Variants in KCND2 observed in about 807,000 individuals in gnomAD.
The protein encoded by KCND2 is A-type voltage-gated potassium channel KCND2.
KCND2 carries 16 observed loss-of-function variants against 54.4 expected under a neutral mutation model. That is an observed-to-expected ratio of 0.29 (90% CI 0.20 to 0.45). The LOEUF is 0.45. Ranked by LOEUF, KCND2 falls within the 20% of genes least tolerant of loss-of-function variation. The probability of loss-of-function intolerance (pLI) is 1.00; values close to 1 mark genes in which losing one functional copy is unlikely to be tolerated. For synonymous variants in KCND2, 317 were observed against 310.7 expected, an observed-to-expected ratio of 1.02 and a Z score of -0.21; for missense variants, 486 against 824.2, an observed-to-expected ratio of 0.59 and a Z score of 5.02.
intron 5 of KCND2, chr7:120,746,930 A>G (rs565161380): frequency 1.6e-4 from 24 of 152,286 alleles, no homozygotes; most frequent in Non-Finnish European, 3.2e-4. Flanking sequence ...ATTAGGAGCC[A>G]TAAGACTTCT....
chr7:120,572,878 A>T (rs1792383452), intron 1 of KCND2, among the ~76,000 whole-genome samples: 1 of 152,206 alleles, frequency 6.6e-6, no homozygotes, highest in Admixed American at 6.5e-5. Context: ...AATGGAATCT[A>T]AGGAGGGAGA....
chr7:120,655,695 T>C (rs1002971950), intron 1 of KCND2, among the ~76,000 whole-genome samples: 1 of 152,112 alleles, frequency 6.6e-6, no homozygotes, highest in Admixed American at 6.6e-5. Context: ...CTACTCATTT[T>C]CTCACACATT....
chr7:120,351,125 G>GA (rs1340402823), intron 1 of KCND2, among the ~76,000 whole-genome samples: 2 of 150,620 alleles, frequency 1.3e-5, no homozygotes, highest in Non-Finnish European at 3.0e-5. Context: ...CAAAGTTGTA[G>GA]AAAGCTTATT....
At chr7:120,734,930 C>A (rs1334838068) in intron 2 of KCND2, among the ~76,000 whole-genome samples, 2 of 152,014 alleles carry the variant, frequency 1.3e-5, no homozygotes, top group Non-Finnish European at 2.9e-5. Context: ...GTAAAGTATA[C>A]AATCTCATAA....
chr7:120,291,867 G>A (rs992238049), intron 1 of KCND2, among the ~76,000 whole-genome samples: 2 of 151,828 alleles, frequency 1.3e-5, no homozygotes, highest in African/African-American at 4.8e-5. Context: ...TCAAATTAGA[G>A]CTCAAGGAAC....
At chr7:120,710,690 G>T (rs1006251240) in intron 1 of KCND2, among the ~76,000 whole-genome samples, 2 of 152,102 alleles carry the variant, frequency 1.3e-5, no homozygotes, top group Admixed American at 1.3e-4. Context: ...TTGGTACTTA[G>T]ATTGTATAAA....
intron 1 of KCND2, among the ~76,000 whole-genome samples, chr7:120,548,391 G>A (rs925956058): frequency 1.3e-5 from 2 of 152,196 alleles, no homozygotes; most frequent in South Asian, 2.1e-4. Flanking sequence ...AGGGAAGCAA[G>A]TAGAGTTCTT....
At chr7:120,712,528 T>A (rs983921038) in intron 1 of KCND2, among the ~76,000 whole-genome samples, 4 of 151,846 alleles carry the variant, frequency 2.6e-5, no homozygotes, top group African/African-American at 4.8e-5. Context: ...CCCAAAGTGC[T>A]GGGATTATAG....
chr7:120,690,532 C>A lies in KCND2; in HGVS notation c.1116-42371C>A, dbSNP rs531287863. ...GCTATAACACCATCCAGTGACATAC[C>A]CTGTTTGCATCACTGACACCTTTTT... On this transcript the variant is annotated intron_variant, in intron 1 of 5. Coordinates refer to ENST00000331113, the MANE Select transcript of KCND2 (RefSeq NM_012281.3). 5.3e-5 allele frequency among the ~76,000 whole-genome samples: 8 copies of A among 152,258 alleles called. No homozygotes were observed. In the East Asian group the frequency reaches 1.5e-3, roughly 29 times the overall value.
At chr7:120,605,264 T>C (rs1792867356) in intron 1 of KCND2, among the ~76,000 whole-genome samples, 1 of 152,220 alleles carries the variant, frequency 6.6e-6, no homozygotes. Context: ...ACCACTTTAC[T>C]CTATGTCTCT....
At chr7:120,312,223 T>A (rs1335100839) in intron 1 of KCND2, among the ~76,000 whole-genome samples, 2 of 152,076 alleles carry the variant, frequency 1.3e-5, no homozygotes, top group African/African-American at 4.8e-5. Context: ...TATTTTTTTT[T>A]AAATGACCGC....
chr7:120,615,383 G>A (rs1334416231), intron 1 of KCND2, among the ~76,000 whole-genome samples: 1 of 152,104 alleles, frequency 6.6e-6, no homozygotes, highest in African/African-American at 2.4e-5. Context: ...AGGCCAAATG[G>A]TCTAATTATA....
chr7:120,729,539 G>A (rs1415553706), intron 1 of KCND2, among the ~76,000 whole-genome samples: 1 of 152,196 alleles, frequency 6.6e-6, no homozygotes, highest in Non-Finnish European at 1.5e-5. Flanking sequence ...ACCCCTGCCT[G>A]TTCTACTTCC....
intron 1 of KCND2, among the ~76,000 whole-genome samples, chr7:120,728,299 T>TAA (rs369068748): frequency 2.3e-4 from 34 of 146,304 alleles, no homozygotes; most frequent in Admixed American, 4.7e-4. Context: ...TTTTTTTTTT[T>TAA]AAAAATTTTG....
At position 120,637,722 on chromosome 7, in the gene KCND2, G is replaced by A. The variant is rs62469910; in HGVS notation, c.1116-95181G>A. On this transcript the variant is annotated intron_variant, in intron 1 of 5. Transcript: ENST00000331113. ...TCTATGGTGAATTTTTATTAAGTCAGAATTGGAAAATATGTTCTTCACATT... is the reference window on the plus strand; with the variant it reads ...TCTATGGTGAATTTTTATTAAGTCAAAATTGGAAAATATGTTCTTCACATT... Among the ~76,000 whole-genome samples the A allele has an allele frequency of 4.5e-3, 686 of 152,214 alleles. 4 individuals are homozygous for A. The highest frequency in any genetic ancestry group is 7.7e-3 in the Non-Finnish European group (521 of 67,974).
chr7:120,528,332 A>G (rs10081324), intron 1 of KCND2, among the ~76,000 whole-genome samples: 9,728 of 152,166 alleles, frequency 0.064, 640 homozygotes, highest in African/African-American at 0.18. Context: ...AACTTGTTAC[A>G]TATATAGAAG....
intron 1 of KCND2, among the ~76,000 whole-genome samples, chr7:120,326,352 A>G (rs1799977675): frequency 1.3e-5 from 2 of 152,110 alleles, no homozygotes; most frequent in African/African-American, 4.8e-5. Flanking sequence ...AACTTTGTTC[A>G]TTGACAGCTG....
At chr7:120,318,987 T>C (rs958565146) in intron 1 of KCND2, among the ~76,000 whole-genome samples, 2 of 152,138 alleles carry the variant, frequency 1.3e-5, no homozygotes, top group Non-Finnish European at 2.9e-5. Context: ...TATTCACTTA[T>C]AATTTTGTTC....
intron 1 of KCND2, among the ~76,000 whole-genome samples, chr7:120,663,614 A>G (rs767690113): frequency 3.9e-5 from 6 of 152,208 alleles, no homozygotes; most frequent in Non-Finnish European, 7.4e-5. Context: ...TGAGATAACC[A>G]GTACTAACCA....
Sources: allele counts gnomAD v4.1 joint callset (sites outside exome capture counted in the v4.1 genomes callset), GRCh38; gene constraint gnomAD v4.1.1; transcripts MANE v1.5; gene names NCBI Gene and HGNC (gene_info 2026-07-23, HGNC 2026-07-21).